Variants in NT5E observed in about 807,000 individuals in gnomAD.
NT5E encodes 5'-nucleotidase ecto, also known as 5'-nucleotidase.
A neutral mutation model predicts 55.1 loss-of-function variants in NT5E; 53 were observed. The observed-to-expected ratio is 0.96, with a 90% CI of 0.77 to 1.21. The LOEUF (loss-of-function observed/expected upper bound fraction) is 1.21. Ranked by LOEUF, NT5E falls within the 50% of genes most tolerant of loss-of-function variation. NT5E has a pLI of 0.00. For missense variants in NT5E, 683 were observed against 724.3 expected (o/e 0.94, Z 0.65); for synonymous variants, 270 against 278.4 (o/e 0.97, Z 0.30).
intron 1 of NT5E, among the ~76,000 whole-genome samples, chr6:85,456,994 C>G (rs1227727507): frequency 6.6e-6 from 1 of 152,180 alleles, no homozygotes; most frequent in Non-Finnish European, 1.5e-5. Context: ...CAGGGCCAGC[C>G]CCTAGTAAGT....
intron 1 of NT5E, among the ~76,000 whole-genome samples, chr6:85,453,803 AGGG>A (rs1562134262): frequency 6.6e-6 from 1 of 152,194 alleles, no homozygotes; most frequent in Non-Finnish European, 1.5e-5. Flanking sequence ...TAACTCACCC[AGGG>A]GACAGGTTAG....
chr6:85,488,395 C>T (rs969738763), intron 5 of NT5E, among the ~76,000 whole-genome samples: 14 of 152,228 alleles, frequency 9.2e-5, no homozygotes, highest in African/African-American at 3.1e-4. Flanking sequence ...CAAGACCAGA[C>T]TCATGATGTC....
chr6:85,462,715 A>AT (rs2127755461), intron 1 of NT5E, among the ~76,000 whole-genome samples: 1 of 152,364 alleles, frequency 6.6e-6, no homozygotes, highest in East Asian at 1.9e-4. Context: ...AATGGGCTCC[A>AT]TTTTGGTATG....
chr6:85,485,433 G>C lies in NT5E; in HGVS notation c.949+1G>C. ...CTTCTAAACAGCAGCATTCCTGAAG[G>C]TAAGTGAAGTTCAGGGGAATGTTCC... On this transcript the variant is annotated splice_donor_variant, in intron 4 of 8. Transcript: ENST00000257770. LOFTEE classifies it high-confidence loss of function. 6.2e-7 allele frequency: 1 copy of C among 1,613,754 alleles called. No individual in the cohort carries two copies. Among genetic ancestry groups the C allele is most frequent in the East Asian group, 2.2e-5 (1 of 44,876 alleles).
At position 85,450,609 on chromosome 6, in the gene NT5E, T is replaced by A; in HGVS notation, c.339+131T>A. ...GAGAGATGTGGGGATAAAGTGAGAC[T>A]CCGGCCAGTGTGCCAGCTGGATGCA... On this transcript the variant is annotated intron_variant, in intron 1 of 8. Coordinates refer to ENST00000257770, the MANE Select transcript of NT5E (RefSeq NM_002526.4). This position sits in a 1 kb window ranked among gnomAD's most constrained non-coding sequence, Gnocchi z 4.0. 1.2e-6 allele frequency: 1 copy of A among 840,818 alleles called. No homozygotes were observed. Among genetic ancestry groups the A allele is most frequent in the South Asian group, 1.5e-5 (1 of 68,274 alleles). 52.1% of individuals were successfully genotyped at this position (840,818 alleles called of 1,614,324 possible). A position where few individuals can be genotyped will look rare whatever the true frequency, so the allele number is the denominator to read the frequency against.
chr6:85,468,477 G>A (rs1208853943), intron 2 of NT5E, among the ~76,000 whole-genome samples: 1 of 152,214 alleles, frequency 6.6e-6, no homozygotes, highest in Admixed American at 6.5e-5. Context: ...AGAGTCACAA[G>A]CTAGGATGCA....
At chr6:85,484,961 A>T (rs1199875602) in intron 3 of NT5E, among the ~76,000 whole-genome samples, 1 of 152,220 alleles carries the variant, frequency 6.6e-6, no homozygotes, top group African/African-American at 2.4e-5. Context: ...ACGGCGTTCC[A>T]TCTTTGTGTG....
At chr6:85,459,933 G>A (rs1373985776) in intron 1 of NT5E, among the ~76,000 whole-genome samples, 10 of 152,200 alleles carry the variant, frequency 6.6e-5, no homozygotes, top group Admixed American at 4.6e-4. Flanking sequence ...AAAATACCTT[G>A]CAATTAGTTA....
chr6:85,486,810 C>T (rs2127724628), intron 4 of NT5E, among the ~76,000 whole-genome samples: 1 of 152,296 alleles, frequency 6.6e-6, no homozygotes, highest in Admixed American at 6.5e-5. Flanking sequence ...ATTTTTATAT[C>T]ATTGATTTTC....
At chr6:85,488,559 ATTTAT>A (rs1452595196) in intron 5 of NT5E, among the ~76,000 whole-genome samples, 1 of 151,608 alleles carries the variant, frequency 6.6e-6, no homozygotes. Context: ...TTTGCTTTTT[ATTTAT>A]TTATTTATTT....
At chr6:85,457,484 A>G (rs971880348) in intron 1 of NT5E, among the ~76,000 whole-genome samples, 1 of 152,112 alleles carries the variant, frequency 6.6e-6, no homozygotes, top group Non-Finnish European at 1.5e-5. Context: ...GGACAAGTCT[A>G]AGTTTGCATG....
At chr6:85,472,401 AG>A (rs1293719606) in intron 3 of NT5E, among the ~76,000 whole-genome samples, 2 of 152,254 alleles carry the variant, frequency 1.3e-5, no homozygotes, top group African/African-American at 4.8e-5. Context: ...TTTTCTTTCT[AG>A]TACTTTGGAG....
chr6:85,452,106 TC>T (rs1768871782), intron 1 of NT5E, among the ~76,000 whole-genome samples: 1 of 152,212 alleles, frequency 6.6e-6, no homozygotes, highest in South Asian at 2.1e-4. Context: ...CAGCTACACT[TC>T]CCTGATACTT....
Position 85,489,578 on chromosome 6 carries a change from C to G in NT5E, c.1189C>G (p.Pro397Ala). 2 of 1,613,476 alleles carry G rather than the reference C, an allele frequency of 1.2e-6. No individual in the cohort carries two copies. Among genetic ancestry groups the G allele is most frequent in the Non-Finnish European group, 1.7e-6 (2 of 1,179,548 alleles). Reference protein sequence around the residue: ...CILNGGGIRSPIDERNNGTIT... With the variant: ...CILNGGGIRSAIDERNNGTIT... ...TTTAAATGGAGGTGGTATCCGGTCG[C>G]CCATTGATGAACGCAACAATGGTAT... Residue 397 changes from proline to alanine, a missense_variant, in exon 6 of 9, where the codon CCC becomes GCC. Physicochemically the swap from Pro to Ala is conservative, Grantham distance 27. Transcript: ENST00000257770.
At chr6:85,493,723 CT>C in intron 8 of NT5E, 117 bp from the exon 9 acceptor site, 1 of 797,580 alleles carries the variant, frequency 1.3e-6, no homozygotes, top group South Asian at 1.6e-5. Context: ...TTCTTGTCTT[CT>C]GTGACACTTT....
At chr6:85,478,990 A>G (rs1769489912) in intron 3 of NT5E, among the ~76,000 whole-genome samples, 1 of 152,122 alleles carries the variant, frequency 6.6e-6, no homozygotes, top group African/African-American at 2.4e-5. Context: ...TGCTTCTCAT[A>G]CATATTAATT....
chr6:85,463,082 A>T (rs1201143733), intron 1 of NT5E, among the ~76,000 whole-genome samples: 1 of 152,096 alleles, frequency 6.6e-6, no homozygotes, highest in Admixed American at 6.5e-5. Flanking sequence ...TTCTTTTTTT[A>T]AAAATAGTGT....
chr6:85,489,687 G>A (rs1769744191), intron 6 of NT5E, 88 bp downstream of exon 6: 2 of 910,270 alleles, frequency 2.2e-6, no homozygotes, highest in Non-Finnish European at 1.8e-6. Flanking sequence ...ACACACCCAT[G>A]TGCAGCCTCA....
chr6:85,480,505 C>T (rs904442171), intron 3 of NT5E, among the ~76,000 whole-genome samples: 2 of 152,162 alleles, frequency 1.3e-5, no homozygotes, highest in Admixed American at 6.5e-5. Context: ...GACTGGAGAG[C>T]GTGCTCTGTC....
Sources: gnomAD v4.1 joint callset for allele counts (sites outside exome capture counted in the v4.1 genomes callset) on GRCh38, gnomAD v4.1.1 for gene constraint, Gnocchi (gnomAD v3.1) non-coding constraint, MANE v1.5 for transcripts, NCBI Gene and HGNC (gene_info 2026-07-23, HGNC 2026-07-21) for gene names.